ACVR1: variants seen among roughly 807,000 people sequenced by gnomAD.
The protein encoded by ACVR1 is activin receptor type-1.
Under a neutral mutation model 57.1 loss-of-function variants are expected in ACVR1, and 38 were observed. That is an observed-to-expected ratio of 0.67 (90% CI 0.51 to 0.87). The LOEUF (loss-of-function observed/expected upper bound fraction) is 0.87, where lower values mean the gene tolerates loss of function less well. Among genes scored for constraint, ACVR1 ranks in the 40% least tolerant of loss-of-function variants. The pLI, the probability that ACVR1 is intolerant of heterozygous loss-of-function variation, is 0.00. For synonymous variants in ACVR1, 212 were observed against 228.1 expected (o/e 0.93, Z 0.63); for missense variants, 463 against 638.2 (o/e 0.73, Z 2.96).
At chr2:157,785,673 G>A (rs182802426) in intron 3 of ACVR1, among the ~76,000 whole-genome samples, 7 of 152,110 alleles carry the variant, frequency 4.6e-5, no homozygotes, top group East Asian at 1.9e-4. Context: ...TTCCTTATCC[G>A]AGAGACTGAC....
At chr2:157,778,052 A>G (rs1686357679) in intron 5 of ACVR1, 79 bp downstream of exon 5, 1 of 1,441,484 alleles carries the variant, frequency 6.9e-7, no homozygotes, top group Non-Finnish European at 9.7e-7. Context: ...ATTACTGGTT[A>G]GCGTTTCATG....
At chr2:157,809,919 A>C (rs571396873) in intron 2 of ACVR1, among the ~76,000 whole-genome samples, 10 of 151,934 alleles carry the variant, frequency 6.6e-5, no homozygotes, top group Non-Finnish European at 1.3e-4. Context: ...TACAAAAAAT[A>C]AAGAAAATTG....
At chr2:157,837,762 G>A (rs533745295) in intron 1 of ACVR1, among the ~76,000 whole-genome samples, 3 of 152,260 alleles carry the variant, frequency 2.0e-5, no homozygotes, top group Admixed American at 6.5e-5. Context: ...TGAGCATTAA[G>A]AGGGGCTCAT....
intron 3 of ACVR1, among the ~76,000 whole-genome samples, chr2:157,798,947 AGTTCAATGTC>A (rs895644934): frequency 7.9e-5 from 12 of 151,340 alleles, no homozygotes; most frequent in African/African-American, 2.7e-4. Context: ...CCCGGGCTGG[AGTTCAATGTC>A]GTGATCTTGG....
chr2:157,873,767 G>C (rs1690188092), intron 1 of ACVR1, among the ~76,000 whole-genome samples: 1 of 152,128 alleles, frequency 6.6e-6, no homozygotes, highest in South Asian at 2.1e-4. Context: ...TCTATCTCCT[G>C]ACTCAATCTC....
intron 3 of ACVR1, among the ~76,000 whole-genome samples, chr2:157,792,695 T>A (rs952667518): frequency 6.6e-6 from 1 of 152,232 alleles, no homozygotes; most frequent in Non-Finnish European, 1.5e-5. Flanking sequence ...TTCTGTCTTT[T>A]CAAGTGAAAT....
Position 157,819,077 on chromosome 2 carries a change from C to CAAA in ACVR1, c.-182-521_-182-519dup, listed in dbSNP as rs386391595. Among the ~76,000 whole-genome samples, 11 of 59,178 alleles carry CAAA rather than the reference C, an allele frequency of 1.9e-4. 1 individual carries two copies. The highest frequency in any genetic ancestry group is 7.1e-4 in the African/African-American group (9 of 12,726). The allele number at this position is 59,178 out of a possible 152,430, so 38.8% of individuals were successfully genotyped here. On this transcript the variant is annotated intron_variant, in intron 1 of 10. Coordinates refer to ENST00000434821, the MANE Select transcript of ACVR1 (RefSeq NM_001111067.4). The stretch of plus-strand genomic sequence containing the variant: ...TGGGTGACAGAGCGAGACTCCGTCT[C>CAAA]AAAAAAAAAAAAAAAAAAAAAAAAA...
At chr2:157,776,949 G>T (rs1162920953) in intron 5 of ACVR1, among the ~76,000 whole-genome samples, 1 of 152,200 alleles carries the variant, frequency 6.6e-6, no homozygotes, top group African/African-American at 2.4e-5. Context: ...CAATTAATCG[G>T]ATTGTGACAA....
At chr2:157,758,557 A>G (rs1685518896) in intron 9 of ACVR1, among the ~76,000 whole-genome samples, 1 of 152,054 alleles carries the variant, frequency 6.6e-6, no homozygotes, top group African/African-American at 2.4e-5. Flanking sequence ...TACAAAGCAA[A>G]TATTATTAAA....
chr2:157,812,986 G>A (rs923578411), intron 2 of ACVR1, among the ~76,000 whole-genome samples: 6 of 152,124 alleles, frequency 3.9e-5, no homozygotes, highest in African/African-American at 1.4e-4. Context: ...TAAGAAAAAT[G>A]AACATCATAA....
intron 9 of ACVR1, among the ~76,000 whole-genome samples, 183 bp downstream of exon 9, chr2:157,760,697 T>C (rs562365782): frequency 3.3e-5 from 5 of 152,338 alleles, no homozygotes; most frequent in Admixed American, 6.5e-5. Flanking sequence ...TACTGTGGTA[T>C]ATTTCAAACA....
At chr2:157,781,354 G>A (rs1686516805) in intron 3 of ACVR1, among the ~76,000 whole-genome samples, 1 of 152,206 alleles carries the variant, frequency 6.6e-6, no homozygotes, top group Non-Finnish European at 1.5e-5. Flanking sequence ...GATTTGAGAT[G>A]TTCAACCTGT....
At chr2:157,845,792 G>A (rs1689111367) in intron 1 of ACVR1, among the ~76,000 whole-genome samples, 1 of 152,132 alleles carries the variant, frequency 6.6e-6, no homozygotes, top group South Asian at 2.1e-4. Context: ...TGTGACTTGG[G>A]GTTCAATAGC....
At chr2:157,819,100 A>C (rs1260173153) in intron 1 of ACVR1, among the ~76,000 whole-genome samples, 1 of 150,858 alleles carries the variant, frequency 6.6e-6, no homozygotes, top group East Asian at 1.9e-4. Flanking sequence ...AAAAAAAAAA[A>C]AAACCAGTAA....
At chr2:157,770,575 T>C (rs1686036104) in intron 6 of ACVR1, 61 bp from the exon 7 acceptor site, 15 of 1,561,798 alleles carry the variant, frequency 9.6e-6, no homozygotes, top group Non-Finnish European at 1.1e-5. Context: ...AGCCAGCCCA[T>C]CATTAAGAAT....
chr2:157,741,897 T>A (rs1203836908), intron 9 of ACVR1, among the ~76,000 whole-genome samples: 2 of 151,670 alleles, frequency 1.3e-5, no homozygotes, highest in East Asian at 2.0e-4. Context: ...AATAGAAAGG[T>A]CAAGAGTTTG....
chr2:157,770,339 A>G (rs369807591), intron 7 of ACVR1, 29 bp downstream of exon 7: 58 of 1,613,220 alleles, frequency 3.6e-5, no homozygotes, highest in Non-Finnish European at 4.5e-5. Flanking sequence ...CCTAGATACA[A>G]TTAATGAGGG....
At chr2:157,845,557 C>G (rs548859649) in intron 1 of ACVR1, among the ~76,000 whole-genome samples, 1 of 151,258 alleles carries the variant, frequency 6.6e-6, no homozygotes, top group South Asian at 2.1e-4. Flanking sequence ...GACCTCAGGC[C>G]TCCACAACTT....
intron 1 of ACVR1, among the ~76,000 whole-genome samples, chr2:157,874,649 T>C (rs1159135381): frequency 6.6e-5 from 10 of 152,184 alleles, no homozygotes; most frequent in Admixed American, 5.2e-4. Flanking sequence ...TGTCTATTTT[T>C]TGCCACCGCC....
Sources: allele counts gnomAD v4.1 joint callset (sites outside exome capture counted in the v4.1 genomes callset), GRCh38; gene constraint gnomAD v4.1.1; transcripts MANE v1.5; gene names NCBI Gene and HGNC (gene_info 2026-07-23, HGNC 2026-07-21).